The following LRRC8D variants were observed in gnomAD, a reference collection of about 807,000 sequenced individuals.
LRRC8D encodes leucine rich repeat containing 8 VRAC subunit D.
A neutral mutation model predicts 55.8 loss-of-function variants in LRRC8D; 20 were observed. That is an observed-to-expected ratio of 0.36 (90% CI 0.25 to 0.52). The LOEUF is 0.52. Ranked by LOEUF, LRRC8D falls within the 20% of genes least tolerant of loss-of-function variation. The pLI is 0.93. For synonymous variants in LRRC8D, 352 were observed against 377.0 expected, an observed-to-expected ratio of 0.93 and a Z score of 0.77; for missense variants, 651 against 1,030.8, an observed-to-expected ratio of 0.63 and a Z score of 5.05.
At chr1:89,861,927 C>G (rs1397694422) in intron 2 of LRRC8D, among the ~76,000 whole-genome samples, 1 of 152,134 alleles carries the variant, frequency 6.6e-6, no homozygotes. Context: ...ATGATTCATC[C>G]TCTTTAAGGG....
intron 1 of LRRC8D, among the ~76,000 whole-genome samples, chr1:89,838,196 T>TAA (rs202026062): frequency 1.3e-5 from 1 of 79,890 alleles, no homozygotes; most frequent in African/African-American, 3.0e-5. Context: ...CCCTGTCCCT[T>TAA]AAAAAAAAAA....
In LRRC8D at chr1:89,935,334, C is replaced by T. The variant is rs374800793; in HGVS notation, c.2266C>T (p.His756Tyr). The change falls in exon 3 of 3, where the codon CAT (histidine) becomes TAT (tyrosine). Residue 756 changes from histidine (H) to tyrosine (Y), a missense_variant. His to Tyr is a moderately conservative substitution (Grantham distance 83). Around this residue, in one of 5 missense-constraint regions of LRRC8D, gnomAD observed 338 missense variants for 479.4 expected, o/e 0.71. Coordinates refer to ENST00000337338, the MANE Select transcript of LRRC8D (RefSeq NM_001134479.2). ...IEIGLLQNLQ[H>Y]LHITGNKVDI... ...AATAGGATTGCTTCAGAACCTGCAG[C>T]ATTTGCATATCACTGGGAACAAAGT... The T allele has an allele frequency of 6.2e-7, 1 of 1,614,216 alleles. No individual in the cohort carries two copies. Among genetic ancestry groups the T allele is most frequent in the East Asian group, 2.2e-5 (1 of 44,880 alleles).
intron 2 of LRRC8D, among the ~76,000 whole-genome samples, chr1:89,861,847 G>C (rs968844769): frequency 1.3e-5 from 2 of 152,148 alleles, no homozygotes; most frequent in African/African-American, 4.8e-5. Context: ...TCTGTTTTTG[G>C]AGCCAGGCTT....
chr1:89,919,179 C>T (rs1302624336), intron 2 of LRRC8D, among the ~76,000 whole-genome samples: 1 of 152,186 alleles, frequency 6.6e-6, no homozygotes, highest in East Asian at 1.9e-4. Context: ...GAATAAGCTA[C>T]CTATCCAAGG....
intron 2 of LRRC8D, among the ~76,000 whole-genome samples, chr1:89,897,636 A>G (rs1662745287): frequency 6.6e-6 from 1 of 152,170 alleles, no homozygotes; most frequent in Admixed American, 6.5e-5. Context: ...GTGATTGTGG[A>G]TAACTTTGTT....
chr1:89,836,446 A>G (rs1661007399), intron 1 of LRRC8D, among the ~76,000 whole-genome samples: 1 of 152,168 alleles, frequency 6.6e-6, no homozygotes, highest in Non-Finnish European at 1.5e-5. Flanking sequence ...CCTGTGCGGC[A>G]TATTTGTAGT....
chr1:89,826,456 G>A (rs1031536221), intron 1 of LRRC8D, among the ~76,000 whole-genome samples: 1 of 152,034 alleles, frequency 6.6e-6, no homozygotes, highest in Non-Finnish European at 1.5e-5. Context: ...AGTAGAGATG[G>A]GGTTTCACCA....
Position 89,877,598 on chromosome 1 carries a change from CTGGCTAATGCAGCCTGTTCCTAAAACG to C in LRRC8D, c.-3+33840_-3+33866del, listed in dbSNP as rs201135469. Reference sequence around the variant, plus strand: ...ATTTCAGAGTAATTTGTATATTAACCTGGCTAATGCAGCCTGTTCCTAAAACGTGGCTAATGCAGCCTGTTCCTAATT... The same window carrying C: ...ATTTCAGAGTAATTTGTATATTAACCTGGCTAATGCAGCCTGTTCCTAATT... On this transcript the variant is annotated intron_variant, in intron 2 of 2. Transcript: ENST00000337338. Among the ~76,000 whole-genome samples, 27 of 152,272 alleles carry C rather than the reference CTGGCTAATGCAGCCTGTTCCTAAAACG, an allele frequency of 1.8e-4. No individual in the cohort carries two copies. In the East Asian group the frequency reaches 2.3e-3, roughly 13 times the overall value.
chr1:89,924,755 T>G (rs2100980935), intron 2 of LRRC8D, among the ~76,000 whole-genome samples: 1 of 152,180 alleles, frequency 6.6e-6, no homozygotes, highest in South Asian at 2.1e-4. Context: ...ATATATCATG[T>G]TTTTTGCAGC....
At chr1:89,868,482 T>C (rs1661909110) in intron 2 of LRRC8D, among the ~76,000 whole-genome samples, 1 of 152,204 alleles carries the variant, frequency 6.6e-6, no homozygotes. Context: ...GTGAATTCCA[T>C]GACACGAATG....
chr1:89,849,521 T>G (rs1432566844), intron 2 of LRRC8D, among the ~76,000 whole-genome samples: 2 of 151,998 alleles, frequency 1.3e-5, no homozygotes, highest in African/African-American at 4.8e-5. Flanking sequence ...ATTTCCTGAT[T>G]GCTGCCAACC....
intron 1 of LRRC8D, among the ~76,000 whole-genome samples, chr1:89,830,296 C>T (rs1015924418): frequency 4.6e-5 from 7 of 152,298 alleles, no homozygotes; most frequent in East Asian, 3.9e-4. Context: ...GGGAACTGGG[C>T]TGCAGTTTTA....
At chr1:89,930,205 T>G (rs1663668733) in intron 2 of LRRC8D, among the ~76,000 whole-genome samples, 1 of 152,148 alleles carries the variant, frequency 6.6e-6, no homozygotes, top group African/African-American at 2.4e-5. Context: ...TTCTATGTAC[T>G]TCATTATAAA....
At chr1:89,822,821 C>T (rs932705410) in intron 1 of LRRC8D, among the ~76,000 whole-genome samples, 4 of 152,148 alleles carry the variant, frequency 2.6e-5, no homozygotes, top group Admixed American at 1.3e-4. Flanking sequence ...AAATAGTGAC[C>T]AAACACCTAC....
intron 2 of LRRC8D, among the ~76,000 whole-genome samples, chr1:89,917,912 A>G (rs558368740): frequency 1.3e-5 from 2 of 152,204 alleles, no homozygotes; most frequent in African/African-American, 4.8e-5. Flanking sequence ...TTGACAATTC[A>G]ATTTATATAC....
chr1:89,906,839 T>C (rs1381480741), intron 2 of LRRC8D, among the ~76,000 whole-genome samples: 1 of 151,896 alleles, frequency 6.6e-6, no homozygotes, highest in Non-Finnish European at 1.5e-5. Context: ...AGCTCAGCCT[T>C]GCTAGCAAGG....
intron 2 of LRRC8D, among the ~76,000 whole-genome samples, chr1:89,889,474 A>G (rs1662506317): frequency 6.6e-6 from 1 of 152,104 alleles, no homozygotes; most frequent in Admixed American, 6.5e-5. Context: ...TTGGTCTGTG[A>G]ATTGTGACTA....
intron 2 of LRRC8D, among the ~76,000 whole-genome samples, chr1:89,928,719 G>A (rs944548630): frequency 7.9e-5 from 12 of 152,208 alleles, no homozygotes; most frequent in African/African-American, 2.4e-4. Flanking sequence ...CACTGGGAAG[G>A]TGGACAGCCT....
chr1:89,838,085 C>T (rs1340081043), intron 1 of LRRC8D, among the ~76,000 whole-genome samples: 4 of 151,804 alleles, frequency 2.6e-5, no homozygotes, highest in Non-Finnish European at 5.9e-5. Context: ...CCAGGCCAGG[C>T]GTGGTGGCTC....
Sources: gnomAD v4.1 joint callset for allele counts (sites outside exome capture counted in the v4.1 genomes callset) on GRCh38, gnomAD v4.1.1 for gene constraint, gnomAD v4.1.1 regional missense constraint, MANE v1.5 for transcripts, NCBI Gene and HGNC (gene_info 2026-07-23, HGNC 2026-07-21) for gene names.